Variants in THAP4 observed in about 807,000 individuals in gnomAD.
The protein encoded by THAP4 is THAP domain containing 4, also known as peroxynitrite isomerase THAP4.
In THAP4, 18 loss-of-function variants were observed where a neutral mutation model predicts 48.1. That is an observed-to-expected ratio of 0.37 (90% CI 0.26 to 0.56). The LOEUF (loss-of-function observed/expected upper bound fraction) is 0.56. Ranked by LOEUF, THAP4 falls within the 20% of genes least tolerant of loss-of-function variation. The pLI is 0.78. For synonymous variants in THAP4, 345 were observed against 324.9 expected (o/e 1.06, Z -0.66); for missense variants, 656 against 774.9 (o/e 0.85, Z 1.82).
chr2:241,637,046 G>C lies in THAP4; in HGVS notation c.-29C>G. 1.7e-6 allele frequency: 2 copies of C among 1,188,518 alleles called. No homozygotes were observed. Among genetic ancestry groups the C allele is most frequent in the Non-Finnish European group, 2.1e-6 (2 of 942,814 alleles). 73.6% of individuals were successfully genotyped at this position (1,188,518 alleles called of 1,614,324 possible). ...GGGCCTTGGCCCAGCCGCGCAGCCA[G>C]GCCCCGGCCCTAGCCGCCCGCCCGC... On this transcript the variant is annotated 5_prime_UTR_variant, in exon 1 of 6. Coordinates refer to ENST00000407315, the MANE Select transcript of THAP4 (RefSeq NM_015963.6).
intron 2 of THAP4, among the ~76,000 whole-genome samples, chr2:241,614,110 C>T (rs1318130422): frequency 2.0e-5 from 3 of 150,566 alleles, no homozygotes; most frequent in Non-Finnish European, 4.4e-5. Flanking sequence ...GCCAAGATCG[C>T]GCCACTGCAC....
rs776780785 is a variant in THAP4 at position 241,633,033 on chromosome 2, C to A, written c.1124G>T (p.Ser375Ile). Residue 375 changes from serine (S) to isoleucine (I), a missense_variant, in exon 2 of 6, where the codon AGC (serine) becomes ATC (isoleucine). Ser to Ile is a moderately radical substitution (Grantham distance 142). Coordinates refer to ENST00000407315, the MANE Select transcript of THAP4 (RefSeq NM_015963.6). This position sits in a 1 kb window ranked among gnomAD's most constrained non-coding sequence, Gnocchi z 7.5. ...GGAGCGGCTGACCCTCTGCCGCAGG[C>A]TCTTCAGCTCGCCGTTCTTCTTCTC... is the stretch of plus-strand genomic sequence containing the variant. ...QVEKKNGELK[S>I]LRQRVSRSDS... 2 of 1,613,812 alleles carry A rather than the reference C, an allele frequency of 1.2e-6. No homozygotes were observed. Among genetic ancestry groups the A allele is most frequent in the Admixed American group, 1.7e-5 (1 of 60,002 alleles).
At chr2:241,622,112 G>A (rs1462741656) in intron 2 of THAP4, among the ~76,000 whole-genome samples, 2 of 152,264 alleles carry the variant, frequency 1.3e-5, no homozygotes, top group African/African-American at 2.4e-5. Flanking sequence ...GCTCACGCCT[G>A]TAATCCCAAC....
rs756602237 is a variant in THAP4 at position 241,602,015 on chromosome 2, A to C, written c.1511-16T>G. On this transcript the variant is annotated splice_polypyrimidine_tract_variant and intron_variant, in intron 4 of 5. Transcript: ENST00000407315. ...TCCACCACGCCTGCAAGGGAAGGGC[A>C]GTCAGCTCACCCAGCAGCTGCTCGG... The C allele has an allele frequency of 1.2e-6, 2 of 1,608,448 alleles. No homozygotes were observed. The highest frequency in any genetic ancestry group is 1.1e-5 in the South Asian group (1 of 90,766).
At position 241,633,838 on chromosome 2, in the gene THAP4, T is replaced by G; in HGVS notation, c.319A>C (p.Lys107Gln). Reference sequence around the variant, plus strand: ...TGTCCCCTCACACCCCCTGTGGCCTTGCTGGCATCTTTTCTCCGGGTGCGG... The same window carrying G: ...TGTCCCCTCACACCCCCTGTGGCCTGGCTGGCATCTTTTCTCCGGGTGCGG... ...HGRTRRKDAS[K>Q]ATGGVRGHSS... Residue 107 changes from lysine (K) to glutamine (Q), a missense_variant, in exon 2 of 6, where the codon AAG becomes CAG. Physicochemically the swap from Lys to Gln is moderately conservative, Grantham distance 53. Transcript: ENST00000407315. This position sits in a 1 kb window ranked among gnomAD's most constrained non-coding sequence, Gnocchi z 7.5. 6.2e-7 allele frequency: 1 copy of G among 1,613,756 alleles called. No homozygotes were observed. The highest frequency in any genetic ancestry group is 1.1e-5 in the South Asian group (1 of 91,078).
At chr2:241,607,011 C>T (rs889860492) in intron 2 of THAP4, among the ~76,000 whole-genome samples, 1 of 152,040 alleles carries the variant, frequency 6.6e-6, no homozygotes, top group East Asian at 1.9e-4. Flanking sequence ...TGCAGGGTCT[C>T]GGAGCAGCCA....
chr2:241,600,842 GCAA>G (rs2125075406), intron 5 of THAP4, among the ~76,000 whole-genome samples: 1 of 152,136 alleles, frequency 6.6e-6, no homozygotes, highest in Non-Finnish European at 1.5e-5. Flanking sequence ...CAGCCCAGAG[GCAA>G]CAACAGGAAA....
At position 241,633,216 on chromosome 2, in the gene THAP4, T is replaced by C. The variant is rs765580424; in HGVS notation, c.941A>G (p.Glu314Gly). The C allele has an allele frequency of 2.5e-6, 4 of 1,609,472 alleles. No individual in the cohort carries two copies. In the African/African-American group the frequency reaches 5.4e-5, roughly 22 times the overall value. ...GTCGCTGTGCTCGCTCTGCACGGCT[T>C]CCGTGGCTGGCTTTGGGGTGACGTC... ...PADVTPKPATEAVQSEHSDAS... is the reference protein window; with the variant it reads ...PADVTPKPATGAVQSEHSDAS... The change falls in exon 2 of 6, where the codon GAA becomes GGA. Residue 314 changes from glutamate (E) to glycine (G), a missense_variant. By Grantham distance (98) the Glu-to-Gly change is moderately conservative. This residue lies in a region of THAP4 where 391 missense variants were observed against 412.4 expected (regional missense o/e 0.95). Coordinates refer to ENST00000407315, the MANE Select transcript of THAP4 (RefSeq NM_015963.6). This position sits in a 1 kb window ranked among gnomAD's most constrained non-coding sequence, Gnocchi z 7.5.
rs1272917821 is a variant in THAP4, at chr2:241,633,434, G to A, written c.723C>T (p.Ser241=). 3 of 1,613,988 alleles carry A rather than the reference G, an allele frequency of 1.9e-6. No homozygotes were observed. The highest frequency in any genetic ancestry group is 3.3e-5 in the Admixed American group (2 of 60,020). ...ATGGCCTTTCTCGGGTGTGCTTAGA[G>A]GAGAAACTGTACGAATGAAGTGAGC... The part of the protein sequence containing the change: ...FIGSLHSYSF[S]SKHTRERPSV... The change falls in exon 2 of 6, where the codon TCC becomes TCT. Residue 241 remains serine, a synonymous_variant. Transcript: ENST00000407315. The surrounding 1 kb of genome is among the most constrained non-coding windows in gnomAD (Gnocchi z 7.5).
At chr2:241,626,239 G>A (rs1179184691) in intron 2 of THAP4, among the ~76,000 whole-genome samples, 4 of 152,006 alleles carry the variant, frequency 2.6e-5, no homozygotes, top group Non-Finnish European at 4.4e-5. Context: ...TCAGGAGATC[G>A]AGACCAGCCT....
chr2:241,599,673 C>T (rs750363326), intron 5 of THAP4, among the ~76,000 whole-genome samples: 40 of 152,120 alleles, frequency 2.6e-4, no homozygotes, highest in Non-Finnish European at 4.0e-4. Context: ...CTGCATATTG[C>T]TACCCATGAA....
chr2:241,592,675 A>C (rs890171076), intron 5 of THAP4, among the ~76,000 whole-genome samples: 1 of 152,214 alleles, frequency 6.6e-6, no homozygotes. Flanking sequence ...CACTTCCCCA[A>C]CATAAGCCTC....
In THAP4 at chr2:241,588,033, A is replaced by AAGGG. The variant is rs567853797; in HGVS notation, c.1615-3312_1615-3309dup. Reference sequence around the variant, plus strand: ...AAGGAGAGAAAAGAAGGAAGGAAGGAAGGGAGGGAGGGAGGGAGGGAAGGA... The same window carrying AAGGG: ...AAGGAGAGAAAAGAAGGAAGGAAGGAAGGGAGGGAGGGAGGGAGGGAGGGAAGGA... On this transcript the variant is annotated intron_variant, in intron 5 of 5. Coordinates refer to ENST00000407315, the MANE Select transcript of THAP4 (RefSeq NM_015963.6). Among the ~76,000 whole-genome samples the AAGGG allele has an allele frequency of 1.0e-2, 1,397 of 140,030 alleles. 10 individuals are homozygous for AAGGG. The highest frequency in any genetic ancestry group is 0.015 in the Non-Finnish European group (984 of 64,220). 91.9% of individuals were successfully genotyped at this position (140,030 alleles called of 152,430 possible).
chr2:241,587,202 C>T (rs111816819), intron 5 of THAP4, among the ~76,000 whole-genome samples: 1 of 152,194 alleles, frequency 6.6e-6, no homozygotes, highest in African/African-American at 2.4e-5. Flanking sequence ...GGAAGATCTA[C>T]CCTCCATGAG....
upstream of THAP4, chr2:241,637,402 C>T: frequency 7.0e-7 from 1 of 1,437,272 alleles, no homozygotes. Context: ...CTCGCCTCTG[C>T]CGCCTCGACA....
chr2:241,635,557 C>T (rs1285312239), intron 1 of THAP4, among the ~76,000 whole-genome samples: 2 of 152,050 alleles, frequency 1.3e-5, no homozygotes, highest in African/African-American at 4.8e-5. Flanking sequence ...GACTTTGAGG[C>T]CAGAGTTCGA....
chr2:241,613,895 T>C (rs1379449702), intron 2 of THAP4, among the ~76,000 whole-genome samples: 1 of 152,132 alleles, frequency 6.6e-6, no homozygotes, highest in East Asian at 1.9e-4. Context: ...CTCATACCTA[T>C]AATCCCATAA....
At chr2:241,590,961 C>T (rs35371981) in intron 5 of THAP4, among the ~76,000 whole-genome samples, 383 of 16,674 alleles carry the variant, frequency 0.023, no homozygotes, top group Middle Eastern at 0.15. Flanking sequence ...GCTCGGCTGA[C>T]GATGATGGGC....
rs1178200435 is a variant in THAP4 at position 241,610,822 on chromosome 2, G to C, written c.1241-4349C>G. Among the ~76,000 whole-genome samples the C allele has an allele frequency of 4.0e-5, 6 of 151,884 alleles. No individual in the cohort carries two copies. Among genetic ancestry groups the C allele is most frequent in the Non-Finnish European group, 8.8e-5 (6 of 67,998 alleles). ...CCAGGGACAGCGAGAGACGGGACGGGGACAGAGACACAGAGACAGAGAGAC... is the reference window on the plus strand; with the variant it reads ...CCAGGGACAGCGAGAGACGGGACGGCGACAGAGACACAGAGACAGAGAGAC... On this transcript the variant is annotated intron_variant, in intron 2 of 5. Coordinates refer to ENST00000407315, the MANE Select transcript of THAP4 (RefSeq NM_015963.6). This position sits in a 1 kb window ranked among gnomAD's most constrained non-coding sequence, Gnocchi z 4.2.
Sources: gnomAD v4.1 joint callset for allele counts (sites outside exome capture counted in the v4.1 genomes callset) on GRCh38, gnomAD v4.1.1 for gene constraint, gnomAD v4.1.1 regional missense constraint, Gnocchi (gnomAD v3.1) non-coding constraint, MANE v1.5 for transcripts, NCBI Gene and HGNC (gene_info 2026-07-23, HGNC 2026-07-21) for gene names.